Variants in TACR3 observed in about 807,000 individuals in gnomAD.
The protein encoded by TACR3 is tachykinin receptor 3.
TACR3 carries 34 observed loss-of-function variants against 35.0 expected under a neutral mutation model. The observed-to-expected ratio is 0.97, with a 90% CI of 0.74 to 1.30. The LOEUF (loss-of-function observed/expected upper bound fraction) is 1.30, where lower values mean the gene tolerates loss of function less well. Ranked by LOEUF, TACR3 falls within the 50% of genes most tolerant of loss-of-function variation. TACR3 has a pLI of 0.00. For synonymous variants in TACR3, 233 were observed against 221.1 expected, an observed-to-expected ratio of 1.05 and a Z score of -0.48; for missense variants, 558 against 591.7, an observed-to-expected ratio of 0.94 and a Z score of 0.59.
rs1250546338 is a variant in TACR3 at position 103,719,233 on chromosome 4, T to A, written c.443A>T (p.His148Leu). 2 of 1,614,192 alleles carry A rather than the reference T, an allele frequency of 1.2e-6. No individual in the cohort carries two copies. Among genetic ancestry groups the A allele is most frequent in the South Asian group, 2.2e-5 (2 of 91,084 alleles). ...NTLVNFIYAL[H>L]SEWYFGANYC... Reference sequence around the variant, plus strand: ...GTTGGCGCCAAAGTACCACTCGCTATGAAGCGCGTAGATGAAATTGACCAA... The same window carrying A: ...GTTGGCGCCAAAGTACCACTCGCTAAGAAGCGCGTAGATGAAATTGACCAA... Residue 148 changes from histidine to leucine, a missense_variant, in exon 1 of 5, where the codon CAT (histidine) becomes CTT (leucine). By Grantham distance (99) the His-to-Leu change is moderately conservative. Coordinates refer to ENST00000304883, the MANE Select transcript of TACR3 (RefSeq NM_001059.3).
At chr4:103,602,940 G>T (rs553292307) in intron 3 of TACR3, among the ~76,000 whole-genome samples, 94 of 152,358 alleles carry the variant, frequency 6.2e-4, no homozygotes, top group African/African-American at 2.0e-3. Flanking sequence ...ATTTAAGTCT[G>T]CAGAGGTTAC....
At chr4:103,689,092 C>A (rs1422144372) in intron 1 of TACR3, among the ~76,000 whole-genome samples, 1 of 151,758 alleles carries the variant, frequency 6.6e-6, no homozygotes, top group Non-Finnish European at 1.5e-5. Context: ...GAGTTCATGT[C>A]CTTTGTAGGG....
At chr4:103,702,614 C>A (rs552340901) in intron 1 of TACR3, among the ~76,000 whole-genome samples, 6 of 151,810 alleles carry the variant, frequency 4.0e-5, no homozygotes, top group African/African-American at 1.2e-4. Context: ...ATGTTTATTG[C>A]GGCACTATTC....
intron 3 of TACR3, among the ~76,000 whole-genome samples, chr4:103,630,621 C>T (rs982750858): frequency 6.6e-6 from 1 of 152,152 alleles, no homozygotes; most frequent in South Asian, 2.1e-4. Flanking sequence ...CAAATCACAA[C>T]CACAATGAGA....
chr4:103,640,984 A>C (rs894914647), intron 3 of TACR3, among the ~76,000 whole-genome samples: 7 of 152,094 alleles, frequency 4.6e-5, no homozygotes, highest in African/African-American at 1.7e-4. Flanking sequence ...TATTCAGACA[A>C]ATGTCATAAA....
At chr4:103,591,729 A>G (rs902104438) in intron 3 of TACR3, 46 bp from the exon 4 acceptor site, 3 of 1,521,674 alleles carry the variant, frequency 2.0e-6, no homozygotes, top group South Asian at 1.2e-5. Context: ...TACTCATAAT[A>G]GTTCCAATAG....
chr4:103,719,702 T>C lies in TACR3; in HGVS notation c.-27A>G, dbSNP rs778847722. ...GCCACCGGTCTGCAGTCCCGGACCC[T>C]CCCACTCACCCACGGGCAGCCCAAG... On this transcript the variant is annotated 5_prime_UTR_variant, in exon 1 of 5. Coordinates refer to ENST00000304883, the MANE Select transcript of TACR3 (RefSeq NM_001059.3). 1 of 1,604,134 alleles carries C rather than the reference T, an allele frequency of 6.2e-7. No homozygotes were observed. The highest frequency in any genetic ancestry group is 1.3e-5 in the African/African-American group (1 of 74,888).
intron 3 of TACR3, 145 bp downstream of exon 3, chr4:103,656,049 G>C (rs113449879): frequency 2.0e-6 from 2 of 1,021,784 alleles, no homozygotes; most frequent in Non-Finnish European, 2.9e-6. Context: ...AAAACCAAAA[G>C]AAAAGAAAAA....
chr4:103,648,341 G>A (rs72945376), intron 3 of TACR3, among the ~76,000 whole-genome samples: 3,714 of 151,904 alleles, frequency 0.024, 165 homozygotes, highest in African/African-American at 0.085. Context: ...TATTGTTGAC[G>A]GTAGTCATTC....
intron 1 of TACR3, among the ~76,000 whole-genome samples, chr4:103,713,664 C>A (rs1723022882): frequency 6.6e-6 from 1 of 151,450 alleles, no homozygotes; most frequent in African/African-American, 2.4e-5. Context: ...ATCAATTAGA[C>A]AGAAAAAAAT....
chr4:103,684,922 T>G (rs893059668), intron 1 of TACR3, among the ~76,000 whole-genome samples: 1 of 151,722 alleles, frequency 6.6e-6, no homozygotes, highest in African/African-American at 2.4e-5. Context: ...AGGTGGAGGT[T>G]GCAGTGAACC....
Position 103,719,461 on chromosome 4 carries a change from G to A in TACR3, c.215C>T (p.Ala72Val). 6.2e-7 allele frequency: 1 copy of A among 1,613,986 alleles called. No individual in the cohort carries two copies. The highest frequency in any genetic ancestry group is 8.5e-7 in the Non-Finnish European group (1 of 1,179,820). The change falls in exon 1 of 5, where the codon GCC (alanine) becomes GTC (valine). Residue 72 changes from alanine to valine, a missense_variant. Transcript: ENST00000304883. The part of the protein sequence containing the change: ...VASPAPSQPW[A>V]NLTNQFVQPS... ...CTGCACGAACTGGTTGGTGAGGTTG[G>A]CCCAGGGCTGGGAGGGCGCGGGGGA...
At position 103,629,331 on chromosome 4, in the gene TACR3, G is replaced by A. The variant is rs571830775; in HGVS notation, c.888+26863C>T. Among the ~76,000 whole-genome samples the A allele has an allele frequency of 2.6e-3, 393 of 152,140 alleles. 1 individual carries two copies. The highest frequency in any genetic ancestry group is 9.1e-3 in the African/African-American group (376 of 41,490). On this transcript the variant is annotated intron_variant, in intron 3 of 4. Coordinates refer to ENST00000304883, the MANE Select transcript of TACR3 (RefSeq NM_001059.3). Reference sequence around the variant, plus strand: ...AAAGAAATAAAGGGTATTCAATTAGGAAAAGAGGAAGCCAAATTGTCCCTG... The same window carrying A: ...AAAGAAATAAAGGGTATTCAATTAGAAAAAGAGGAAGCCAAATTGTCCCTG...
At chr4:103,633,443 G>T (rs1413196266) in intron 3 of TACR3, among the ~76,000 whole-genome samples, 1 of 151,670 alleles carries the variant, frequency 6.6e-6, no homozygotes, top group African/African-American at 2.4e-5. Flanking sequence ...AAGTTATTGG[G>T]GTACAGGTGG....
In TACR3 at chr4:103,719,166, G is replaced by A. The variant is rs767212232; in HGVS notation, c.510C>T (p.Phe170=). The change falls in exon 1 of 5, where the codon TTC becomes TTT. Residue 170 remains phenylalanine (F), a synonymous_variant. Coordinates refer to ENST00000304883, the MANE Select transcript of TACR3 (RefSeq NM_001059.3). ...FQNFFPITAV[F]ASIYSMTAIA... ...TGGCCGTCATGGAGTAGATGCTGGC[G>A]AACACAGCTGTGATAGGAAAGAAGT... 6.2e-7 allele frequency: 1 copy of A among 1,614,096 alleles called. No homozygotes were observed. Among genetic ancestry groups the A allele is most frequent in the African/African-American group, 1.3e-5 (1 of 75,016 alleles).
At chr4:103,656,116 C>G in intron 3 of TACR3, 78 bp downstream of exon 3, 2 of 1,534,266 alleles carry the variant, frequency 1.3e-6, no homozygotes, top group Admixed American at 1.7e-5. Context: ...ATTGTATTAA[C>G]ATGCCATGAC....
chr4:103,651,748 C>A (rs182823738), intron 3 of TACR3, among the ~76,000 whole-genome samples: 33 of 152,074 alleles, frequency 2.2e-4, no homozygotes, highest in Admixed American at 1.0e-3. Flanking sequence ...CCATGGTGTA[C>A]TACCTGGGTA....
intron 1 of TACR3, among the ~76,000 whole-genome samples, chr4:103,716,887 T>C (rs185561142): frequency 3.3e-5 from 5 of 152,344 alleles, no homozygotes; most frequent in African/African-American, 1.2e-4. Context: ...ATATACTGTT[T>C]ACTATATTCT....
At chr4:103,604,503 C>T (rs141633759) in intron 3 of TACR3, among the ~76,000 whole-genome samples, 8,257 of 152,218 alleles carry the variant, frequency 0.054, 320 homozygotes, top group Middle Eastern at 0.1. Flanking sequence ...GATTAAAACA[C>T]CAAAAGCAAT....
Sources: gnomAD v4.1 joint callset for allele counts (sites outside exome capture counted in the v4.1 genomes callset) on GRCh38, gnomAD v4.1.1 for gene constraint, MANE v1.5 for transcripts, NCBI Gene and HGNC (gene_info 2026-07-23, HGNC 2026-07-21) for gene names.